The following PIK3AP1 variants were observed in gnomAD, a reference collection of about 807,000 sequenced individuals.
PIK3AP1 encodes the protein phosphoinositide-3-kinase adaptor protein 1.
A neutral mutation model predicts 88.1 loss-of-function variants in PIK3AP1; 21 were observed. The observed-to-expected ratio is 0.24, with a 90% CI of 0.17 to 0.34. PIK3AP1 has a LOEUF of 0.34. Among genes scored for constraint, PIK3AP1 ranks in the 10% least tolerant of loss-of-function variants. PIK3AP1 has a pLI of 1.00. For synonymous variants in PIK3AP1, 398 were observed against 400.0 expected, an observed-to-expected ratio of 1.00 and a Z score of 0.06; for missense variants, 828 against 1,035.7, an observed-to-expected ratio of 0.80 and a Z score of 2.75.
intron 5 of PIK3AP1, 29 bp from the exon 6 acceptor site, chr10:96,651,409 C>A: frequency 6.2e-7 from 1 of 1,614,146 alleles, no homozygotes; most frequent in Non-Finnish European, 8.5e-7. Flanking sequence ...ATGGTCAGAT[C>A]TGAAATCCAG....
At chr10:96,605,828 G>A (rs2134185562) in intron 14 of PIK3AP1, among the ~76,000 whole-genome samples, 1 of 152,322 alleles carries the variant, frequency 6.6e-6, no homozygotes, top group Middle Eastern at 3.4e-3. Context: ...GCTCACGCCT[G>A]TAATCCCTAC....
intron 10 of PIK3AP1, among the ~76,000 whole-genome samples, chr10:96,625,825 T>C (rs989010983): frequency 6.6e-6 from 1 of 152,210 alleles, no homozygotes; most frequent in Non-Finnish European, 1.5e-5. Context: ...CTCGGCTCAC[T>C]GTAACCTACA....
chr10:96,643,230 A>G (rs1378066945), intron 8 of PIK3AP1, among the ~76,000 whole-genome samples: 1 of 152,228 alleles, frequency 6.6e-6, no homozygotes, highest in Non-Finnish European at 1.5e-5. Context: ...TAGAGGCTAG[A>G]TGGTTTTTCC....
chr10:96,702,331 T>C (rs941340165), intron 2 of PIK3AP1, among the ~76,000 whole-genome samples: 11 of 151,886 alleles, frequency 7.2e-5, no homozygotes, highest in African/African-American at 2.7e-4. Context: ...AAACCCCATC[T>C]CTACTAAAAA....
Position 96,626,922 on chromosome 10 carries a change from A to G in PIK3AP1, c.1472-17T>C, listed in dbSNP as rs775456138. 2.5e-6 allele frequency: 4 copies of G among 1,606,080 alleles called. No homozygotes were observed. The highest frequency in any genetic ancestry group is 3.4e-6 in the Non-Finnish European group (4 of 1,172,610). On this transcript the variant is annotated splice_polypyrimidine_tract_variant and intron_variant, in intron 9 of 16. Coordinates refer to ENST00000339364, the MANE Select transcript of PIK3AP1 (RefSeq NM_152309.3). ...TGCTGTTGCCTAGAAACGCAGAGAA[A>G]GGTGACTGAAAGCAGTGGCCAAACA...
intron 2 of PIK3AP1, among the ~76,000 whole-genome samples, chr10:96,708,200 C>T (rs538177182): frequency 8.5e-4 from 129 of 152,246 alleles, no homozygotes; most frequent in Non-Finnish European, 1.1e-3. Context: ...TTGCTGGCGT[C>T]AGGTATATAA....
intron 1 of PIK3AP1, among the ~76,000 whole-genome samples, chr10:96,719,407 A>G (rs1017703397): frequency 3.9e-5 from 6 of 152,172 alleles, no homozygotes; most frequent in African/African-American, 1.4e-4. Context: ...GGTTATCCCT[A>G]CTAAAACATC....
At chr10:96,601,507 C>T (rs1195685933) in intron 16 of PIK3AP1, among the ~76,000 whole-genome samples, 4 of 128,304 alleles carry the variant, frequency 3.1e-5, no homozygotes, top group African/African-American at 1.1e-4. Context: ...AATTGAAATA[C>T]ATGAAAGTTA....
intron 2 of PIK3AP1, among the ~76,000 whole-genome samples, chr10:96,665,628 T>C (rs1340581394): frequency 6.6e-6 from 1 of 152,170 alleles, no homozygotes; most frequent in Non-Finnish European, 1.5e-5. Context: ...GCCTTTTAAA[T>C]GGGATGCAAG....
chr10:96,635,798 G>A (rs945329172), intron 8 of PIK3AP1, among the ~76,000 whole-genome samples: 1 of 152,056 alleles, frequency 6.6e-6, no homozygotes, highest in Non-Finnish European at 1.5e-5. Flanking sequence ...CCAGCCACTT[G>A]GGAGGCTGAG....
At chr10:96,707,502 C>T (rs1487213062) in intron 2 of PIK3AP1, among the ~76,000 whole-genome samples, 1 of 152,096 alleles carries the variant, frequency 6.6e-6, no homozygotes, top group African/African-American at 2.4e-5. Flanking sequence ...ACCATATTGG[C>T]CAGGCTGGTC....
chr10:96,676,889 C>T lies in PIK3AP1; in HGVS notation c.431-19955G>A, dbSNP rs150539959. ...CTGCCGGTGTCAACCTGAGATTGGA[C>T]AGCATAGGGCACAGACTCAAGGACG... On this transcript the variant is annotated intron_variant, in intron 2 of 16. Coordinates refer to ENST00000339364, the MANE Select transcript of PIK3AP1 (RefSeq NM_152309.3). Among the ~76,000 whole-genome samples, 785 of 152,130 alleles carry T rather than the reference C, an allele frequency of 5.2e-3. 7 individuals carry two copies. Among genetic ancestry groups the T allele is most frequent in the African/African-American group, 0.017 (711 of 41,468 alleles).
chr10:96,633,729 A>C (rs929784910), intron 8 of PIK3AP1, among the ~76,000 whole-genome samples: 1 of 152,234 alleles, frequency 6.6e-6, no homozygotes, highest in Non-Finnish European at 1.5e-5. Flanking sequence ...TTATGAGTTC[A>C]TTGTAATATT....
intron 10 of PIK3AP1, among the ~76,000 whole-genome samples, chr10:96,625,750 CTTAT>C (rs1564959883): frequency 6.6e-6 from 1 of 151,954 alleles, no homozygotes; most frequent in Non-Finnish European, 1.5e-5. Context: ...TCTGGCAATT[CTTAT>C]TTATTCTTTT....
chr10:96,612,046 T>C (rs560505003), intron 13 of PIK3AP1, among the ~76,000 whole-genome samples: 11 of 152,344 alleles, frequency 7.2e-5, no homozygotes, highest in Admixed American at 2.0e-4. Flanking sequence ...TTAAACTTCA[T>C]GACTTCTCCA....
At chr10:96,700,753 C>T (rs1193658245) in intron 2 of PIK3AP1, 2 of 933,698 alleles carry the variant, frequency 2.1e-6, no homozygotes, top group Non-Finnish European at 2.6e-6. Context: ...AGATTTTCCC[C>T]TCAGTCCTGC....
intron 14 of PIK3AP1, among the ~76,000 whole-genome samples, chr10:96,604,344 ATTTTTTTTTTTTTTTTT>A (rs66487275): frequency 9.2e-4 from 71 of 77,130 alleles, no homozygotes; most frequent in African/African-American, 3.0e-3. Context: ...CACCTAGCCA[ATTTTTTTTTTTTTTTTT>A]TTTTTTTTTT....
rs1843156517 is a variant in PIK3AP1 at position 96,626,598 on chromosome 10, T to C, written c.1669+110A>G. 3 of 1,203,734 alleles carry C rather than the reference T, an allele frequency of 2.5e-6. No homozygotes were observed. The East Asian group carries it at 7.7e-5, about 31-fold the overall frequency. 74.6% of individuals were successfully genotyped at this position (1,203,734 alleles called of 1,614,324 possible). Reference sequence around the variant, plus strand: ...GTCTCGTAGGGCTGGTTGAAGACCATTTAGAAGGGGATAGTCTCTGAGCAA... The same window carrying C: ...GTCTCGTAGGGCTGGTTGAAGACCACTTAGAAGGGGATAGTCTCTGAGCAA... On this transcript the variant is annotated intron_variant, in intron 10 of 16. Transcript: ENST00000339364.
At chr10:96,626,242 C>T (rs1843152240) in intron 10 of PIK3AP1, among the ~76,000 whole-genome samples, 1 of 152,176 alleles carries the variant, frequency 6.6e-6, no homozygotes, top group Non-Finnish European at 1.5e-5. Flanking sequence ...ATCAGACTCC[C>T]TGATTTTGGC....
Sources: gnomAD v4.1 joint callset for allele counts (sites outside exome capture counted in the v4.1 genomes callset) on GRCh38, gnomAD v4.1.1 for gene constraint, MANE v1.5 for transcripts, NCBI Gene and HGNC (gene_info 2026-07-23, HGNC 2026-07-21) for gene names.